Variants in POC1B observed in about 807,000 individuals in gnomAD.
The protein encoded by POC1B is POC1 centriolar protein B.
Under a neutral mutation model 60.6 loss-of-function variants are expected in POC1B, and 44 were observed. The ratio of observed to expected loss-of-function variants is 0.73; its 90% confidence interval spans 0.57 to 0.93. POC1B has a LOEUF of 0.93. POC1B is among the 40% of genes least tolerant of loss of function. The pLI is 0.00. For synonymous variants in POC1B, 180 were observed against 198.9 expected, an observed-to-expected ratio of 0.90 and a Z score of 0.80; for missense variants, 555 against 572.3, an observed-to-expected ratio of 0.97 and a Z score of 0.31.
intron 4 of POC1B, 190 bp from the exon 5 acceptor site, chr12:89,472,465 A>G: frequency 2.0e-6 from 1 of 504,728 alleles, no homozygotes; most frequent in Non-Finnish European, 3.5e-6. Flanking sequence ...GACCATTAAA[A>G]GGTCAAAATA....
intron 4 of POC1B, among the ~76,000 whole-genome samples, chr12:89,473,043 G>A (rs1406373355): frequency 1.3e-5 from 2 of 151,920 alleles, no homozygotes; most frequent in African/African-American, 4.8e-5. Context: ...AGACCACAGA[G>A]AAAATAAAAA....
intron 11 of POC1B, among the ~76,000 whole-genome samples, chr12:89,422,256 T>C (rs1329999362): frequency 6.6e-6 from 1 of 152,204 alleles, no homozygotes; most frequent in African/African-American, 2.4e-5. Flanking sequence ...TATCCTGACC[T>C]TTACAATGAT....
At chr12:89,502,339 C>T (rs1309501104) in intron 2 of POC1B, 13 of 1,611,600 alleles carry the variant, frequency 8.1e-6, no homozygotes, top group South Asian at 4.4e-5. Flanking sequence ...CAAGAGAACA[C>T]GTTTGAAACC....
intron 10 of POC1B, among the ~76,000 whole-genome samples, chr12:89,450,809 C>A (rs1033717655): frequency 6.6e-6 from 1 of 152,066 alleles, no homozygotes; most frequent in Non-Finnish European, 1.5e-5. Flanking sequence ...GAATAGAAAT[C>A]TTTGTATGTA....
intron 10 of POC1B, among the ~76,000 whole-genome samples, chr12:89,436,586 T>C (rs1881275918): frequency 6.6e-6 from 1 of 152,080 alleles, no homozygotes; most frequent in South Asian, 2.1e-4. Context: ...TGGTGGCATG[T>C]GCCTGTAGTC....
chr12:89,458,958 A>T (rs148566094), intron 10 of POC1B, among the ~76,000 whole-genome samples: 20 of 152,170 alleles, frequency 1.3e-4, no homozygotes, highest in African/African-American at 4.8e-4. Context: ...TATATATGTA[A>T]TTTCTATCAA....
chr12:89,423,789 C>T (rs930466167), intron 11 of POC1B, among the ~76,000 whole-genome samples: 2 of 152,100 alleles, frequency 1.3e-5, no homozygotes, highest in South Asian at 2.1e-4. Flanking sequence ...TTCAGTACAG[C>T]TTAAAGTGAT....
At chr12:89,436,215 T>C (rs1419031924) in intron 10 of POC1B, among the ~76,000 whole-genome samples, 1 of 152,036 alleles carries the variant, frequency 6.6e-6, no homozygotes, top group Non-Finnish European at 1.5e-5. Context: ...CCTTCCAAAG[T>C]GCTGGGATTA....
intron 10 of POC1B, among the ~76,000 whole-genome samples, chr12:89,455,929 T>C (rs1182283959): frequency 6.6e-6 from 1 of 152,148 alleles, no homozygotes; most frequent in Admixed American, 6.5e-5. Flanking sequence ...ATTTAAGAAT[T>C]TTCCTAAAGA....
Position 89,442,237 on chromosome 12 carries a change from T to C in POC1B, c.1114-16858A>G, listed in dbSNP as rs1481392201. 2.6e-5 allele frequency among the ~76,000 whole-genome samples: 4 copies of C among 152,052 alleles called. No homozygotes were observed. In the East Asian group the frequency reaches 5.8e-4, roughly 22 times the overall value. On this transcript the variant is annotated intron_variant, in intron 10 of 11. Transcript: ENST00000313546. ...CTAGCAAGGCAGGCCAACATTCAAA[T>C]TCAGGAAATACAGAGAACGCCACAA...
intron 11 of POC1B, among the ~76,000 whole-genome samples, chr12:89,421,725 G>A (rs1880542494): frequency 6.6e-6 from 1 of 152,146 alleles, no homozygotes; most frequent in Non-Finnish European, 1.5e-5. Context: ...GCAGATGGAT[G>A]GCTAGATTGC....
chr12:89,479,313 A>C (rs969277586), intron 4 of POC1B, among the ~76,000 whole-genome samples: 11 of 152,178 alleles, frequency 7.2e-5, no homozygotes, highest in Admixed American at 2.6e-4. Context: ...ATTTGAAATA[A>C]AAATTGGAAA....
At chr12:89,518,422 A>G (rs1870575392) in intron 2 of POC1B, among the ~76,000 whole-genome samples, 1 of 152,232 alleles carries the variant, frequency 6.6e-6, no homozygotes. Context: ...GCATGCACAG[A>G]GGCATGCAAA....
At chr12:89,466,088 A>C (rs1300899935) in intron 9 of POC1B, among the ~76,000 whole-genome samples, 1 of 152,238 alleles carries the variant, frequency 6.6e-6, no homozygotes, top group Non-Finnish European at 1.5e-5. Flanking sequence ...ATTCAGATGA[A>C]CAGGTAATTT....
chr12:89,422,161 G>C (rs1456530584), intron 11 of POC1B, among the ~76,000 whole-genome samples: 1 of 151,942 alleles, frequency 6.6e-6, no homozygotes, highest in East Asian at 1.9e-4. Context: ...ATCACCCATA[G>C]CAAGAACTAG....
intron 4 of POC1B, among the ~76,000 whole-genome samples, chr12:89,486,401 C>T (rs1286883528): frequency 2.0e-5 from 3 of 151,890 alleles, no homozygotes; most frequent in Admixed American, 6.6e-5. Flanking sequence ...AAGCAGGGGG[C>T]GTCCCAGCAT....
intron 4 of POC1B, among the ~76,000 whole-genome samples, chr12:89,474,209 AG>A (rs1279662894): frequency 6.6e-6 from 1 of 151,784 alleles, no homozygotes; most frequent in Non-Finnish European, 1.5e-5. Context: ...CTGTCTCAAA[AG>A]GAAAAAAAAA....
At chr12:89,499,496 A>ATTCTCCTTT in intron 2 of POC1B, among the ~76,000 whole-genome samples, 1 of 151,340 alleles carries the variant, frequency 6.6e-6, no homozygotes, top group South Asian at 2.2e-4. Context: ...CCTGAATCTA[A>ATTCTCCTTT]AATAAAAGCT....
At chr12:89,496,817 G>A (rs979858541) in intron 3 of POC1B, among the ~76,000 whole-genome samples, 16 of 152,070 alleles carry the variant, frequency 1.1e-4, no homozygotes, top group Admixed American at 2.0e-4. Flanking sequence ...ATGAACGGGC[G>A]TTAGGAAGTT....
Sources: gnomAD v4.1 joint callset for allele counts (sites outside exome capture counted in the v4.1 genomes callset) on GRCh38, gnomAD v4.1.1 for gene constraint, MANE v1.5 for transcripts, NCBI Gene and HGNC (gene_info 2026-07-23, HGNC 2026-07-21) for gene names.